The following MAGI2 variants were observed in gnomAD, a reference collection of about 807,000 sequenced individuals.
MAGI2 encodes membrane-associated guanylate kinase, WW and PDZ domain-containing protein 2.
Under a neutral mutation model 133.3 loss-of-function variants are expected in MAGI2, and 35 were observed. The ratio of observed to expected loss-of-function variants is 0.26; its 90% CI spans 0.20 to 0.35. The LOEUF is 0.35. MAGI2 is among the 10% of genes least tolerant of loss of function. MAGI2 has a pLI of 1.00. For missense variants in MAGI2, 1,636 were observed against 1,863.4 expected (o/e 0.88, Z 2.25); for synonymous variants, 729 against 710.6 (o/e 1.03, Z -0.41).
chr7:78,640,329 G>A, intron 2 of MAGI2, among the ~76,000 whole-genome samples: 1 of 151,978 alleles, frequency 6.6e-6, no homozygotes, highest in East Asian at 1.9e-4. Context: ...AAAGCACTTG[G>A]CTCTACAGAC....
chr7:78,335,406 T>C (rs1454937060), intron 9 of MAGI2, among the ~76,000 whole-genome samples: 1 of 152,238 alleles, frequency 6.6e-6, no homozygotes, highest in Non-Finnish European at 1.5e-5. Context: ...TTTCTTATTC[T>C]GTCCCTGCTT....
chr7:79,371,152 A>T (rs1431330495), intron 1 of MAGI2, among the ~76,000 whole-genome samples: 3 of 152,114 alleles, frequency 2.0e-5, no homozygotes, highest in Admixed American at 1.3e-4. Flanking sequence ...ATAACAGTTT[A>T]TTTATTCCTC....
At position 78,765,343 on chromosome 7, in the gene MAGI2, CTTTTTTTTT is replaced by C. The variant is rs10672746; in HGVS notation, c.419-138113_419-138105del. ...CATTTAACAAATGTTTAGTGCACATCTTTTTTTTTTTTTTTTTTTTTTGAGACAGAGTCT... is the reference window on the plus strand; with the variant it reads ...CATTTAACAAATGTTTAGTGCACATCTTTTTTTTTTTTTGAGACAGAGTCT... On this transcript the variant is annotated intron_variant, in intron 2 of 21. Transcript: ENST00000354212. Among the ~76,000 whole-genome samples, 163 of 89,074 alleles carry C rather than the reference CTTTTTTTTT, an allele frequency of 1.8e-3. 3 individuals carry two copies. Among genetic ancestry groups the C allele is most frequent in the Admixed American group, 6.9e-3 (43 of 6,238 alleles). The allele number at this position is 89,074 out of a possible 152,430, so 58.4% of individuals were successfully genotyped here.
intron 3 of MAGI2, among the ~76,000 whole-genome samples, chr7:78,561,089 G>A (rs956597480): frequency 2.6e-5 from 4 of 152,100 alleles, no homozygotes; most frequent in South Asian, 2.1e-4. Flanking sequence ...GCAGTGATAC[G>A]CATAAAATCT....
At chr7:78,082,536 A>G (rs752872527) in intron 20 of MAGI2, among the ~76,000 whole-genome samples, 20 of 152,168 alleles carry the variant, frequency 1.3e-4, no homozygotes, top group African/African-American at 4.3e-4. Flanking sequence ...GCTCTGATAC[A>G]TGCTGAATCT....
At chr7:79,137,938 A>ATACATTAC (rs1821745219) in intron 1 of MAGI2, among the ~76,000 whole-genome samples, 1 of 152,176 alleles carries the variant, frequency 6.6e-6, no homozygotes, top group Non-Finnish European at 1.5e-5. Context: ...GGATTATCCT[A>ATACATTAC]GTGGGCGTAA....
chr7:78,602,398 G>A lies in MAGI2; in HGVS notation c.538+24722C>T, dbSNP rs147381700. 8.6e-3 allele frequency among the ~76,000 whole-genome samples: 1,315 copies of A among 152,260 alleles called. 9 individuals carry two copies. Among genetic ancestry groups the A allele is most frequent in the Non-Finnish European group, 0.014 (957 of 68,012 alleles). ...TGGTCTCAAACTTCTGACCTCAGGTGATCCACCCATCTTGGCCTCCCAAAG... is the reference window on the plus strand; with the variant it reads ...TGGTCTCAAACTTCTGACCTCAGGTAATCCACCCATCTTGGCCTCCCAAAG... On this transcript the variant is annotated intron_variant, in intron 3 of 21. Transcript: ENST00000354212.
intron 2 of MAGI2, among the ~76,000 whole-genome samples, chr7:78,965,366 A>G (rs112424428): frequency 0.026 from 4,018 of 151,976 alleles, 178 homozygotes; most frequent in African/African-American, 0.091. Context: ...GAAAGATCTT[A>G]TGACTTTAGG....
chr7:78,474,727 G>T (rs887606106), intron 6 of MAGI2, among the ~76,000 whole-genome samples: 1 of 151,758 alleles, frequency 6.6e-6, no homozygotes. Flanking sequence ...TCTACCTGTA[G>T]AAGTTAATGA....
At chr7:78,313,314 A>G (rs1250315335) in intron 9 of MAGI2, among the ~76,000 whole-genome samples, 1 of 152,124 alleles carries the variant, frequency 6.6e-6, no homozygotes, top group Non-Finnish European at 1.5e-5. Context: ...CTATGTAACA[A>G]AATTGTACTT....
In MAGI2 at chr7:79,419,605, T is replaced by G. The variant is rs533710670; in HGVS notation, c.301+33415A>C. Among the ~76,000 whole-genome samples, 14 of 152,158 alleles carry G rather than the reference T, an allele frequency of 9.2e-5. No homozygotes were observed. The East Asian group carries it at 2.5e-3, about 27-fold the overall frequency. On this transcript the variant is annotated intron_variant, in intron 1 of 21. Transcript: ENST00000354212. ...CTGGCATGTCCACAAATCAGCTTTG[T>G]TTATGCATCTATGATTTATCCAATA...
At chr7:78,292,469 G>T (rs1796816938) in intron 9 of MAGI2, among the ~76,000 whole-genome samples, 1 of 152,188 alleles carries the variant, frequency 6.6e-6, no homozygotes, top group African/African-American at 2.4e-5. Context: ...CCATGCTCAT[G>T]GGTAGGAAGA....
chr7:79,306,497 T>C (rs1402354527), intron 1 of MAGI2, among the ~76,000 whole-genome samples: 1 of 150,842 alleles, frequency 6.6e-6, no homozygotes, highest in African/African-American at 2.4e-5. Context: ...CAGATCTACA[T>C]TTTTACTTTC....
intron 5 of MAGI2, among the ~76,000 whole-genome samples, chr7:78,499,573 T>C (rs1794434590): frequency 6.6e-6 from 1 of 152,220 alleles, no homozygotes; most frequent in Admixed American, 6.5e-5. Context: ...AAGTTCTGTC[T>C]TTTGAAGTTA....
intron 12 of MAGI2, among the ~76,000 whole-genome samples, chr7:78,190,426 A>C (rs563044118): frequency 6.6e-6 from 1 of 152,338 alleles, no homozygotes; most frequent in African/African-American, 2.4e-5. Context: ...AGTAATGATG[A>C]TTATTCCTTG....
At chr7:79,405,052 G>A (rs1446862192) in intron 1 of MAGI2, among the ~76,000 whole-genome samples, 1 of 152,062 alleles carries the variant, frequency 6.6e-6, no homozygotes, top group African/African-American at 2.4e-5. Context: ...ACCAAACTTG[G>A]GGCAGGAGGG....
At chr7:79,400,797 C>T (rs1456480859) in intron 1 of MAGI2, among the ~76,000 whole-genome samples, 1 of 152,006 alleles carries the variant, frequency 6.6e-6, no homozygotes, top group African/African-American at 2.4e-5. Flanking sequence ...GTATGTCCTA[C>T]ATACTGTAGT....
At chr7:78,569,018 C>G (rs1801232782) in intron 3 of MAGI2, among the ~76,000 whole-genome samples, 1 of 152,000 alleles carries the variant, frequency 6.6e-6, no homozygotes, top group South Asian at 2.1e-4. Context: ...CTTGGTCACT[C>G]CTTCACTTTC....
chr7:79,184,857 T>C (rs1489107227), intron 1 of MAGI2, among the ~76,000 whole-genome samples: 1 of 151,790 alleles, frequency 6.6e-6, no homozygotes, highest in Non-Finnish European at 1.5e-5. Flanking sequence ...AAGCTTGATG[T>C]GACATAATAA....
Sources: gnomAD v4.1 joint callset for allele counts (sites outside exome capture counted in the v4.1 genomes callset) on GRCh38, gnomAD v4.1.1 for gene constraint, MANE v1.5 for transcripts, NCBI Gene and HGNC (gene_info 2026-07-23, HGNC 2026-07-21) for gene names.